TBC1D22A: variants seen among roughly 807,000 people sequenced by gnomAD.
TBC1D22A encodes the protein putative GTPase activator.
In TBC1D22A, 38 loss-of-function variants were observed where a neutral mutation model predicts 60.2. The observed-to-expected ratio is 0.63, with a 90% CI of 0.49 to 0.83. The LOEUF is 0.83. Ranked by LOEUF, TBC1D22A falls within the 40% of genes least tolerant of loss-of-function variation. The pLI is 0.00. For missense variants in TBC1D22A, 628 were observed against 701.0 expected (o/e 0.90, Z 1.18); for synonymous variants, 302 against 281.7 (o/e 1.07, Z -0.72).
At chr22:46,973,292 C>G (rs1381185847) in intron 8 of TBC1D22A, among the ~76,000 whole-genome samples, 1 of 152,212 alleles carries the variant, frequency 6.6e-6, no homozygotes, top group Non-Finnish European at 1.5e-5. Flanking sequence ...CTCGGCATAG[C>G]CACGGCCCTG....
chr22:47,067,763 C>T (rs573365824), intron 11 of TBC1D22A, among the ~76,000 whole-genome samples: 17 of 152,242 alleles, frequency 1.1e-4, no homozygotes, highest in Admixed American at 7.8e-4. Flanking sequence ...AGTGTGCGTG[C>T]ACACACACAC....
At chr22:46,809,628 G>A (rs145175424) in intron 4 of TBC1D22A, among the ~76,000 whole-genome samples, 323 of 152,138 alleles carry the variant, frequency 2.1e-3, no homozygotes, top group African/African-American at 7.6e-3. Context: ...ATGGGCTTTG[G>A]GGTGGCGCAT....
At chr22:46,927,576 C>G in intron 8 of TBC1D22A, among the ~76,000 whole-genome samples, 1 of 152,214 alleles carries the variant, frequency 6.6e-6, no homozygotes, top group East Asian at 1.9e-4. Flanking sequence ...TATTTTAGTA[C>G]TGGTTCTAGC....
intron 12 of TBC1D22A, among the ~76,000 whole-genome samples, chr22:47,121,838 G>A (rs1601582990): frequency 6.6e-6 from 1 of 152,114 alleles, no homozygotes; most frequent in Non-Finnish European, 1.5e-5. Context: ...TTCGTGGCTT[G>A]GAGCTGGAGC....
chr22:46,821,891 G>A (rs558362131), intron 4 of TBC1D22A, among the ~76,000 whole-genome samples: 11 of 152,116 alleles, frequency 7.2e-5, no homozygotes, highest in African/African-American at 2.4e-4. Flanking sequence ...CGTAGGTTCG[G>A]TCATTTTATG....
At chr22:47,060,389 C>A (rs1346754622) in intron 11 of TBC1D22A, among the ~76,000 whole-genome samples, 1 of 151,776 alleles carries the variant, frequency 6.6e-6, no homozygotes, top group Non-Finnish European at 1.5e-5. Context: ...TTACAGGCGC[C>A]CACCACCATG....
chr22:47,143,569 G>A (rs770871388), intron 12 of TBC1D22A, among the ~76,000 whole-genome samples: 9 of 152,228 alleles, frequency 5.9e-5, no homozygotes, highest in East Asian at 3.9e-4. Flanking sequence ...ACTGCCTCAC[G>A]TGCAGAAAGC....
chr22:46,806,399 C>A (rs810449), intron 4 of TBC1D22A, among the ~76,000 whole-genome samples: 148,342 of 148,342 alleles, frequency 1, 74,171 homozygotes, highest in Non-Finnish European at 1. Context: ...CACAAACCAT[C>A]CCATTACTCA....
At chr22:46,950,785 G>A (rs1200546330) in intron 8 of TBC1D22A, among the ~76,000 whole-genome samples, 1 of 152,154 alleles carries the variant, frequency 6.6e-6, no homozygotes, top group South Asian at 2.1e-4. Flanking sequence ...TTGCGTCTCC[G>A]GGATGGATGT....
intron 11 of TBC1D22A, among the ~76,000 whole-genome samples, chr22:47,074,402 T>A (rs956123874): frequency 2.0e-5 from 3 of 152,228 alleles, no homozygotes; most frequent in African/African-American, 7.2e-5. Context: ...AATGTCACCA[T>A]GACAACTGAG....
At chr22:47,172,786 C>T (rs911870522) in intron 12 of TBC1D22A, among the ~76,000 whole-genome samples, 5 of 152,288 alleles carry the variant, frequency 3.3e-5, no homozygotes, top group Admixed American at 2.6e-4. Context: ...TGGACCTAGA[C>T]CTGAAGCTGG....
intron 8 of TBC1D22A, chr22:46,913,389 T>A: frequency 7.3e-7 from 1 of 1,366,540 alleles, no homozygotes. Context: ...TCTGGAGAGA[T>A]GAGCCTTACC....
chr22:47,175,011 T>A lies in TBC1D22A; in HGVS notation c.*1385T>A, dbSNP rs917992125. ...CAGGCTCACGTCCTCAGCGACCCAC[T>A]GGTGACTGACTTCCCAGACTCTCCT... On this transcript the variant is annotated 3_prime_UTR_variant, in exon 13 of 13. Coordinates refer to ENST00000337137, the MANE Select transcript of TBC1D22A (RefSeq NM_014346.5). 6.6e-6 allele frequency: 1 copy of A among 152,342 alleles called. No individual in the cohort carries two copies. Among genetic ancestry groups the A allele is most frequent in the Non-Finnish European group, 1.5e-5 (1 of 68,150 alleles). The allele number at this position is 152,342 out of a possible 1,614,324, so 9.4% of individuals were successfully genotyped here.
At chr22:46,809,078 A>T (rs1331982198) in intron 4 of TBC1D22A, among the ~76,000 whole-genome samples, 2 of 152,208 alleles carry the variant, frequency 1.3e-5, no homozygotes, top group Non-Finnish European at 2.9e-5. Context: ...TGCCATAAGA[A>T]AATACCACAG....
intron 12 of TBC1D22A, among the ~76,000 whole-genome samples, chr22:47,125,941 C>T (rs186170139): frequency 6.6e-6 from 1 of 152,304 alleles, no homozygotes; most frequent in African/African-American, 2.4e-5. Context: ...CCACTCAGAG[C>T]ACGTGGGAAC....
At chr22:47,144,770 C>T (rs1362578739) in intron 12 of TBC1D22A, among the ~76,000 whole-genome samples, 3 of 41,136 alleles carry the variant, frequency 7.3e-5, no homozygotes, top group Non-Finnish European at 1.5e-4. Context: ...GGGTGCAGCC[C>T]GTGAAGGTGC....
In TBC1D22A at chr22:46,793,591, T is replaced by C. The variant is rs532942422; in HGVS notation, c.210T>C (p.Asp70=). The part of the protein sequence containing the change: ...TFQEFESNTS[D]AWDAGEDDDE... ...AGGAGTTTGAGAGCAATACCAGCGA[T>C]GCCTGGGACGCTGGGGAGGACGACG... The change falls in exon 3 of 13, where the codon GAT becomes GAC. Residue 70 remains aspartate, a synonymous_variant. Coordinates refer to ENST00000337137, the MANE Select transcript of TBC1D22A (RefSeq NM_014346.5). The C allele has an allele frequency of 2.5e-6, 4 of 1,614,020 alleles. No individual in the cohort carries two copies. In the East Asian group the frequency reaches 8.9e-5, roughly 36 times the overall value.
At chr22:47,124,467 G>A (rs1350364026) in intron 12 of TBC1D22A, among the ~76,000 whole-genome samples, 1 of 152,234 alleles carries the variant, frequency 6.6e-6, no homozygotes, top group Non-Finnish European at 1.5e-5. Flanking sequence ...GACGCATTGG[G>A]ACCTTGCCTC....
At position 46,873,337 on chromosome 22, in the gene TBC1D22A, AC is replaced by A. The variant is rs148289733; in HGVS notation, c.638-5315del. Among the ~76,000 whole-genome samples, 344 of 152,304 alleles carry A rather than the reference AC, an allele frequency of 2.3e-3. 1 individual carries two copies. Among genetic ancestry groups the A allele is most frequent in the African/African-American group, 7.9e-3 (330 of 41,562 alleles). ...CATCATAAAATTGCTATGTAAAATC[AC>A]AATCAGATACCCTTTAACACGTACT... On this transcript the variant is annotated intron_variant, in intron 4 of 12. Coordinates refer to ENST00000337137, the MANE Select transcript of TBC1D22A (RefSeq NM_014346.5).
Sources: allele counts gnomAD v4.1 joint callset (sites outside exome capture counted in the v4.1 genomes callset), GRCh38; gene constraint gnomAD v4.1.1; transcripts MANE v1.5; gene names NCBI Gene and HGNC (gene_info 2026-07-23, HGNC 2026-07-21).